Variants in SYT2 observed in about 807,000 individuals in gnomAD.
SYT2 encodes synaptotagmin 2, also known as synaptotagmin-2.
In SYT2, 15 loss-of-function variants were observed where a neutral mutation model predicts 39.9. That is an observed-to-expected ratio of 0.38 (90% CI 0.25 to 0.58). The LOEUF is 0.58. Ranked by LOEUF, SYT2 falls within the 20% of genes least tolerant of loss-of-function variation. SYT2 has a pLI of 0.70. For missense variants in SYT2, 389 were observed against 530.3 expected, an observed-to-expected ratio of 0.73 and a Z score of 2.62; for synonymous variants, 181 against 204.5, an observed-to-expected ratio of 0.89 and a Z score of 0.98.
At chr1:202,677,004 T>C (rs559637021) in intron 1 of SYT2, among the ~76,000 whole-genome samples, 1 of 151,906 alleles carries the variant, frequency 6.6e-6, no homozygotes, top group East Asian at 2.0e-4. Context: ...CTTCCACCTT[T>C]GTTCTCTCTC....
chr1:202,654,152 T>C (rs964500014), intron 1 of SYT2, among the ~76,000 whole-genome samples: 2 of 152,140 alleles, frequency 1.3e-5, no homozygotes, highest in East Asian at 1.9e-4. Flanking sequence ...GAAATTAGGG[T>C]GACATTGGTG....
chr1:202,621,513 TCTTGAACTCCTGGCCTCATGAACTC>T (rs1691201961), intron 1 of SYT2, among the ~76,000 whole-genome samples: 1 of 152,110 alleles, frequency 6.6e-6, no homozygotes, highest in East Asian at 1.9e-4. Context: ...CTCAGGCTGG[TCTTGAACTCCTGGCCTCATGAACTC>T]CTTGAACTCC....
Position 202,599,212 on chromosome 1 carries a change from C to T in SYT2, c.1053+6G>A, listed in dbSNP as rs746065482. 1.9e-6 allele frequency: 3 copies of T among 1,613,094 alleles called. No homozygotes were observed. The highest frequency in any genetic ancestry group is 1.3e-5 in the African/African-American group (1 of 74,862). On this transcript the variant is annotated splice_donor_region_variant and intron_variant, in intron 8 of 8. Coordinates refer to ENST00000367268, the MANE Select transcript of SYT2 (RefSeq NM_177402.5). The surrounding 1 kb of genome is among the most constrained non-coding windows in gnomAD (Gnocchi z 4.4). ...CTCCATGCCTAGGAACCCAGGGCTC[C>T]AGCACCTGAATCTGCTCGAAGGGGA... is the stretch of plus-strand genomic sequence containing the variant.
At chr1:202,636,315 T>C in intron 1 of SYT2, 1 of 976,884 alleles carries the variant, frequency 1.0e-6, no homozygotes, top group Non-Finnish European at 1.2e-6. Flanking sequence ...CCACTGGGTT[T>C]GGTGCCCTTG....
intron 1 of SYT2, among the ~76,000 whole-genome samples, chr1:202,625,419 T>TGTAGTAG (rs1691371247): frequency 1.0e-5 from 1 of 99,590 alleles, no homozygotes; most frequent in African/African-American, 4.0e-5. Flanking sequence ...GTGTGTGGCG[T>TGTAGTAG]GGACTGGGAG....
chr1:202,684,244 C>A (rs1463865157), intron 1 of SYT2, among the ~76,000 whole-genome samples: 1 of 152,144 alleles, frequency 6.6e-6, no homozygotes, highest in Non-Finnish European at 1.5e-5. Flanking sequence ...TGTAGATGAG[C>A]TACTAGTCCT....
chr1:202,652,301 G>T (rs1692208732), intron 1 of SYT2, among the ~76,000 whole-genome samples: 1 of 152,180 alleles, frequency 6.6e-6, no homozygotes, highest in Admixed American at 6.5e-5. Flanking sequence ...GGCAGAAGAG[G>T]AACTCCTTGG....
chr1:202,601,201 C>CAA lies in SYT2; in HGVS notation c.801+687_801+688dup, dbSNP rs1388858860. On this transcript the variant is annotated intron_variant, in intron 6 of 8. Coordinates refer to ENST00000367268, the MANE Select transcript of SYT2 (RefSeq NM_177402.5). The surrounding 1 kb of genome is among the most constrained non-coding windows in gnomAD (Gnocchi z 4.0). ...ACCACACTGCAGAGTCAAAGCTGCTCAAAGTCAAAGCCACCCAGGGCAAGA... is the reference window on the plus strand; with the variant it reads ...ACCACACTGCAGAGTCAAAGCTGCTCAAAAAGTCAAAGCCACCCAGGGCAAGA... Among the ~76,000 whole-genome samples the CAA allele has an allele frequency of 1.2e-4, 18 of 152,288 alleles. No individual in the cohort carries two copies. Among genetic ancestry groups the CAA allele is most frequent in the South Asian group, 2.1e-4 (1 of 4,832 alleles).
In SYT2 at chr1:202,608,764, A is replaced by G. The variant is rs112415444; in HGVS notation, c.-17-2975T>C. Among the ~76,000 whole-genome samples, 792 of 152,334 alleles carry G rather than the reference A, an allele frequency of 5.2e-3. 6 individuals are homozygous for G. The highest frequency in any genetic ancestry group is 0.018 in the African/African-American group (760 of 41,576). On this transcript the variant is annotated intron_variant, in intron 1 of 8. Transcript: ENST00000367268. ...GTTTTCATTTCTCTTGGGTATATAC[A>G]TAGGTATGGAATTGCTGGGTCATAA...
intron 1 of SYT2, among the ~76,000 whole-genome samples, chr1:202,695,936 C>T (rs1043165244): frequency 4.6e-5 from 7 of 152,254 alleles, no homozygotes; most frequent in African/African-American, 1.7e-4. Flanking sequence ...GGTCCCGACT[C>T]TGGGCTTGTT....
At chr1:202,705,087 T>C (rs1654215397) in intron 1 of SYT2, among the ~76,000 whole-genome samples, 2 of 152,208 alleles carry the variant, frequency 1.3e-5, no homozygotes. Flanking sequence ...CCATTTGCCA[T>C]AGGTAGAGCT....
chr1:202,608,533 T>A (rs1690782639), intron 1 of SYT2, among the ~76,000 whole-genome samples: 2 of 152,208 alleles, frequency 1.3e-5, no homozygotes, highest in South Asian at 2.1e-4. Flanking sequence ...CACTTCAGCC[T>A]CCAAAATGTT....
chr1:202,661,725 C>A (rs1692386319), intron 1 of SYT2, among the ~76,000 whole-genome samples: 2 of 152,204 alleles, frequency 1.3e-5, no homozygotes, highest in African/African-American at 4.8e-5. Context: ...TCCCTCCACC[C>A]CTGCGGGAGT....
At chr1:202,634,789 G>A (rs1320158525) in intron 1 of SYT2, among the ~76,000 whole-genome samples, 1 of 152,226 alleles carries the variant, frequency 6.6e-6, no homozygotes, top group Non-Finnish European at 1.5e-5. Context: ...CAAAGACCAT[G>A]TATTATATAA....
intron 1 of SYT2, among the ~76,000 whole-genome samples, chr1:202,674,421 A>G (rs971245808): frequency 1.4e-4 from 21 of 152,160 alleles, no homozygotes; most frequent in African/African-American, 4.1e-4. Flanking sequence ...TTAATTATGC[A>G]TATACCCCAG....
chr1:202,682,984 G>A (rs1017658800), intron 1 of SYT2, among the ~76,000 whole-genome samples: 2 of 152,104 alleles, frequency 1.3e-5, no homozygotes, highest in Non-Finnish European at 1.5e-5. Flanking sequence ...CGGCCAATAA[G>A]CATTTGGAAA....
At chr1:202,679,782 C>A (rs764406877) in intron 1 of SYT2, among the ~76,000 whole-genome samples, 1 of 152,164 alleles carries the variant, frequency 6.6e-6, no homozygotes, top group Non-Finnish European at 1.5e-5. Context: ...ACTCCTTAGC[C>A]CAGCATTCAA....
At chr1:202,693,297 G>C (rs1653886408) in intron 1 of SYT2, among the ~76,000 whole-genome samples, 1 of 152,204 alleles carries the variant, frequency 6.6e-6, no homozygotes, top group African/African-American at 2.4e-5. Flanking sequence ...GAAGGTGGCA[G>C]AGACTAATTC....
Position 202,601,895 on chromosome 1 carries a change from C to G in SYT2, c.796G>C (p.Glu266Gln). 2 of 1,613,858 alleles carry G rather than the reference C, an allele frequency of 1.2e-6. No homozygotes were observed. The highest frequency in any genetic ancestry group is 1.1e-5 in the South Asian group (1 of 91,052). The change falls in exon 6 of 9, where the codon GAG becomes CAG. Residue 266 changes from glutamate to glutamine, a missense_variant. Glu to Gln is a conservative substitution (Grantham distance 29). This residue lies in a region of SYT2 where 280 missense variants were observed against 335.6 expected (regional missense o/e 0.83). Transcript: ENST00000367268. This position sits in a 1 kb window ranked among gnomAD's most constrained non-coding sequence, Gnocchi z 4.0. ...GGCCTCATCTCTGCTCTTACCTCCTCCTTTTCCCCGCCTTGCAGGTCTCTC... is the reference window on the plus strand; with the variant it reads ...GGCCTCATCTCTGCTCTTACCTCCTGCTTTTCCCCGCCTTGCAGGTCTCTC... ...EWRDLQGGEKEEPEKLGDICT... is the reference protein window; with the variant it reads ...EWRDLQGGEKQEPEKLGDICT...
Sources: gnomAD v4.1 joint callset for allele counts (sites outside exome capture counted in the v4.1 genomes callset) on GRCh38, gnomAD v4.1.1 for gene constraint, gnomAD v4.1.1 regional missense constraint, Gnocchi (gnomAD v3.1) non-coding constraint, MANE v1.5 for transcripts, NCBI Gene and HGNC (gene_info 2026-07-23, HGNC 2026-07-21) for gene names.